BTNL2: variants seen among roughly 807,000 people sequenced by gnomAD.
BTNL2 encodes the protein butyrophilin like 2, also known as butyrophilin-like protein 2.
BTNL2 carries 46 observed loss-of-function variants against 46.8 expected under a neutral mutation model. That is an observed-to-expected ratio of 0.98 (90% CI 0.78 to 1.26). BTNL2 has a LOEUF of 1.26. Ranked by LOEUF, BTNL2 falls within the 50% of genes most tolerant of loss-of-function variation. The pLI is 0.00. For missense variants in BTNL2, 461 were observed against 592.6 expected (o/e 0.78, Z 2.31); for synonymous variants, 226 against 229.1 (o/e 0.99, Z 0.12).
chr6:32,394,272 A>AGTT lies in BTNL2; in HGVS notation c.1361-218_1361-216dup, dbSNP rs142592308. On this transcript the variant is annotated intron_variant, in intron 6 of 7. Coordinates refer to ENST00000454136, the MANE Select transcript of BTNL2 (RefSeq NM_001304561.2). This position sits in a 1 kb window ranked among gnomAD's most constrained non-coding sequence, Gnocchi z 4.6. The stretch of plus-strand genomic sequence containing the variant: ...TCAGAAATGTACACATGCACAGACA[A>AGTT]GTTTTCCCTTCTCTCTTCCAACTAT... Among the ~76,000 whole-genome samples, 15,344 of 141,586 alleles carry AGTT rather than the reference A, an allele frequency of 0.11. 1,813 individuals are homozygous for AGTT. Among genetic ancestry groups the AGTT allele is most frequent in the South Asian group, 0.14 (624 of 4,450 alleles). 92.9% of individuals were successfully genotyped at this position (141,586 alleles called of 152,430 possible).
intron 2 of BTNL2, 117 bp from the exon 3 acceptor site, chr6:32,403,333 G>A: frequency 8.8e-7 from 1 of 1,141,430 alleles, no homozygotes; most frequent in South Asian, 1.6e-5. Context: ...AGTCTGAGGA[G>A]CAGAAAGTCG....
intron 4 of BTNL2, among the ~76,000 whole-genome samples, chr6:32,400,760 A>AAAACAAAAAAAAAC (rs1390075841): frequency 8.6e-6 from 1 of 115,838 alleles, no homozygotes. Flanking sequence ...AAAAAAAAAA[A>AAAACAAAAAAAAAC]AAATTAGCTG....
At position 32,405,171 on chromosome 6, in the gene BTNL2, C is replaced by T. The variant is rs1000913980; in HGVS notation, c.195G>A (p.Trp65Ter). The T allele has an allele frequency of 1.3e-5, 21 of 1,613,040 alleles. No individual in the cohort carries two copies. Among genetic ancestry groups the T allele is most frequent in the Non-Finnish European group, 1.8e-5 (21 of 1,180,026 alleles). Residue 65 changes from tryptophan to a stop codon, truncating the protein, a stop_gained, in exon 2 of 8, where the codon TGG (tryptophan) becomes TGA (stop). Coordinates refer to ENST00000454136, the MANE Select transcript of BTNL2 (RefSeq NM_001304561.2). LOFTEE classifies it high-confidence loss of function. Reference sequence around the variant, plus strand: ...CAGGTGTGCTGGGCTCTGAGCGGTACCACCTCACCTCCACGTGCATTGTGG... The same window carrying T: ...CAGGTGTGCTGGGCTCTGAGCGGTATCACCTCACCTCCACGTGCATTGTGG... ...KRTTMHVEVR[W>*]YRSEPSTPVF... is the part of the protein sequence containing the mutation.
chr6:32,398,848 T>C (rs4959097), intron 4 of BTNL2, among the ~76,000 whole-genome samples: 29,704 of 152,138 alleles, frequency 0.2, 3,178 homozygotes, highest in East Asian at 0.32. Context: ...AAAAAAATCA[T>C]GCAGCCCTGT....
At chr6:32,401,864 C>A in intron 3 of BTNL2, 59 bp from the exon 4 acceptor site, 1 of 1,506,524 alleles carries the variant, frequency 6.6e-7, no homozygotes, top group South Asian at 1.2e-5. Context: ...AGGAGAGAAA[C>A]TATTTTTTAA....
intron 5 of BTNL2, 151 bp downstream of exon 5, chr6:32,395,888 T>C: frequency 1.6e-6 from 1 of 641,794 alleles, no homozygotes; most frequent in South Asian, 2.3e-5. Context: ...TAAGTAACTA[T>C]GACAGTTTCA....
At chr6:32,406,981 C>T in intron 1 of BTNL2, 64 bp downstream of exon 1, 1 of 1,506,116 alleles carries the variant, frequency 6.6e-7, no homozygotes, top group Non-Finnish European at 9.2e-7. Flanking sequence ...TGTTCTCGAC[C>T]TTTGGACCCA....
At chr6:32,395,589 G>A (rs1484605352) in intron 5 of BTNL2, among the ~76,000 whole-genome samples, 5 of 152,158 alleles carry the variant, frequency 3.3e-5, no homozygotes, top group African/African-American at 1.2e-4. Flanking sequence ...AAATGATGCT[G>A]CAGGGAGTGA....
At chr6:32,397,887 C>G (rs1776544454) in intron 4 of BTNL2, among the ~76,000 whole-genome samples, 1 of 152,184 alleles carries the variant, frequency 6.6e-6, no homozygotes, top group Non-Finnish European at 1.5e-5. Flanking sequence ...TCTGGTCCAG[C>G]CGCTATATTT....
rs1350869301 is a variant in BTNL2, at chr6:32,394,392, C to T, written c.1361-335G>A. 6.6e-6 allele frequency among the ~76,000 whole-genome samples: 1 copy of T among 152,118 alleles called. No homozygotes were observed. The highest frequency in any genetic ancestry group is 1.5e-5 in the Non-Finnish European group (1 of 68,012). On this transcript the variant is annotated intron_variant, in intron 6 of 7. Coordinates refer to ENST00000454136, the MANE Select transcript of BTNL2 (RefSeq NM_001304561.2). This position sits in a 1 kb window ranked among gnomAD's most constrained non-coding sequence, Gnocchi z 4.6. ...TATTAATAAAAATCAGTTTCTAATC[C>T]AGAAGAAAATCCTCCATGAGGGGGA...
rs1234067846 is a variant in BTNL2 at position 32,402,975 on chromosome 6, G to A, written c.669C>T (p.Pro223=). Residue 223 remains proline (P), a synonymous_variant, in exon 3 of 8, where the codon CCC becomes CCT. Transcript: ENST00000454136. Reference sequence around the variant, plus strand: ...CCGACCCCTTCTCCTCAGTGAGGACGGGGTTGTGGACCAAGCAGGACACAG... The same window carrying A: ...CCGACCCCTTCTCCTCAGTGAGGACAGGGTTGTGGACCAAGCAGGACACAG... The part of the protein sequence containing the change: ...AESVSCLVHN[P]VLTEEKGSVI... 11 of 1,612,910 alleles carry A rather than the reference G, an allele frequency of 6.8e-6. 1 individual carries two copies. Among genetic ancestry groups the A allele is most frequent in the Middle Eastern group, 3.3e-4 (2 of 6,084 alleles).
intron 4 of BTNL2, among the ~76,000 whole-genome samples, chr6:32,400,875 T>C (rs1776728003): frequency 7.1e-6 from 1 of 141,362 alleles, no homozygotes; most frequent in African/African-American, 2.6e-5. Context: ...ATGGCGCCAT[T>C]GCACTCCAGC....
At position 32,397,888 on chromosome 6, in the gene BTNL2, C is replaced by T. The variant is rs142927426; in HGVS notation, c.731-1502G>A. On this transcript the variant is annotated intron_variant, in intron 4 of 7. Transcript: ENST00000454136. ...TAGTACCTTGTAAGTCTGGTCCAGC[C>T]GCTATATTTTATTTCCCCAATGCTC... is the stretch of plus-strand genomic sequence containing the variant. 5.7e-3 allele frequency among the ~76,000 whole-genome samples: 867 copies of T among 152,236 alleles called. 10 individuals carry two copies. Among genetic ancestry groups the T allele is most frequent in the African/African-American group, 0.02 (815 of 41,546 alleles).
chr6:32,396,393 A>G lies in BTNL2; in HGVS notation c.731-7T>C. ...CCATTCACTTTTAAAGAAGCTGTTA[A>G]ATAGAGTGGACAAAACACAATGAAA... On this transcript the variant is annotated splice_polypyrimidine_tract_variant and splice_region_variant and intron_variant, in intron 4 of 7. Transcript: ENST00000454136. The surrounding 1 kb of genome is among the most constrained non-coding windows in gnomAD (Gnocchi z 4.4). The G allele has an allele frequency of 1.2e-6, 2 of 1,606,702 alleles. No homozygotes were observed. The highest frequency in any genetic ancestry group is 1.7e-6 in the Non-Finnish European group (2 of 1,175,476).
chr6:32,405,322 C>T (rs749513242), intron 1 of BTNL2, 36 bp from the exon 2 acceptor site: 3 of 1,596,088 alleles, frequency 1.9e-6, no homozygotes, highest in Non-Finnish European at 2.6e-6. Context: ...CGAGGAAATG[C>T]CAATCAGAAA....
Position 32,405,180 on chromosome 6 carries a change from C to A in BTNL2, c.186G>T (p.Glu62Asp). ...LLPKRTTMHV[E>D]VRWYRSEPST... ...TGGGCTCTGAGCGGTACCACCTCAC[C>A]TCCACGTGCATTGTGGTCCTCTTGG... Residue 62 changes from glutamate to aspartate, a missense_variant, in exon 2 of 8, where the codon GAG (glutamate) becomes GAT (aspartate). Glu to Asp is a conservative substitution (Grantham distance 45, BLOSUM62 2). Coordinates refer to ENST00000454136, the MANE Select transcript of BTNL2 (RefSeq NM_001304561.2). 1 of 1,613,102 alleles carries A rather than the reference C, an allele frequency of 6.2e-7. No homozygotes were observed. Among genetic ancestry groups the A allele is most frequent in the Non-Finnish European group, 8.5e-7 (1 of 1,180,036 alleles).
chr6:32,402,449 A>G (rs932668323), intron 3 of BTNL2, among the ~76,000 whole-genome samples: 1 of 151,248 alleles, frequency 6.6e-6, no homozygotes, highest in African/African-American at 2.4e-5. Flanking sequence ...ATATCTTTTT[A>G]TTAATGCTAT....
Position 32,394,820 on chromosome 6 carries a change from G to T in BTNL2, c.1284C>A (p.Ile428=). 1 of 1,614,240 alleles carries T rather than the reference G, an allele frequency of 6.2e-7. No homozygotes were observed. The highest frequency in any genetic ancestry group is 8.5e-7 in the Non-Finnish European group (1 of 1,180,040). ...HVQTLLRVTN[I]SAVDVTCSIS... ...TGGAACAAGTGACGTCCACAGCGGA[G>T]ATGTTTGTGACCCTTAGCAATGTCT... The change falls in exon 6 of 8, where the codon ATC becomes ATA. Residue 428 remains isoleucine, a synonymous_variant. Coordinates refer to ENST00000454136, the MANE Select transcript of BTNL2 (RefSeq NM_001304561.2). The surrounding 1 kb of genome is among the most constrained non-coding windows in gnomAD (Gnocchi z 4.6).
At position 32,396,600 on chromosome 6, in the gene BTNL2, T is replaced by C. The variant is rs148041756; in HGVS notation, c.731-214A>G. 12,892 of 573,394 alleles carry C rather than the reference T, an allele frequency of 0.022. 731 individuals are homozygous for C. The highest frequency in any genetic ancestry group is 0.16 in the East Asian group (5,216 of 33,018). 35.5% of individuals were successfully genotyped at this position (573,394 alleles called of 1,614,324 possible). On this transcript the variant is annotated intron_variant, in intron 4 of 7. Coordinates refer to ENST00000454136, the MANE Select transcript of BTNL2 (RefSeq NM_001304561.2). This position sits in a 1 kb window ranked among gnomAD's most constrained non-coding sequence, Gnocchi z 4.4. ...AATCATTCCATGATGTGTGTCAGTC[T>C]GAGTAAAACAGTAATTGAATCCCTA... is the stretch of plus-strand genomic sequence containing the variant.
Sources: allele counts gnomAD v4.1 joint callset (sites outside exome capture counted in the v4.1 genomes callset), GRCh38; gene constraint gnomAD v4.1.1; non-coding constraint Gnocchi (gnomAD v3.1); transcripts MANE v1.5; gene names NCBI Gene and HGNC (gene_info 2026-07-23, HGNC 2026-07-21).